Variants in ARID3A observed in about 807,000 individuals in gnomAD.
ARID3A encodes AT-rich interactive domain-containing protein 3A.
Under a neutral mutation model 52.7 loss-of-function variants are expected in ARID3A, and 11 were observed. That is an observed-to-expected ratio of 0.21 (90% CI 0.13 to 0.35). The LOEUF (loss-of-function observed/expected upper bound fraction) is 0.35. Among genes scored for constraint, ARID3A ranks in the 10% least tolerant of loss-of-function variants. The probability of loss-of-function intolerance (pLI) is 1.00; values close to 1 mark genes in which losing one functional copy is unlikely to be tolerated. For missense variants in ARID3A, 721 were observed against 838.5 expected, an observed-to-expected ratio of 0.86 and a Z score of 1.73; for synonymous variants, 404 against 359.4, an observed-to-expected ratio of 1.12 and a Z score of -1.40.
chr19:935,984 G>A (rs1179031098), intron 3 of ARID3A, among the ~76,000 whole-genome samples: 1 of 151,216 alleles, frequency 6.6e-6, no homozygotes, highest in African/African-American at 2.4e-5. Context: ...TAGAGACAAG[G>A]TTTCACCGTG....
chr19:974,520 C>G lies in ARID3A; in HGVS notation c.*2455C>G. 4.3e-6 allele frequency: 1 copy of G among 230,616 alleles called. No homozygotes were observed. The highest frequency in any genetic ancestry group is 8.6e-6 in the Non-Finnish European group (1 of 116,430). 14.3% of individuals were successfully genotyped at this position (230,616 alleles called of 1,614,324 possible). On this transcript the variant is annotated 3_prime_UTR_variant, in exon 9 of 9. Coordinates refer to ENST00000263620, the MANE Select transcript of ARID3A (RefSeq NM_005224.3). ...GCCGGGGGAAGCGCCTGCTGCCTAT[C>G]TCTGTCTACCTCAGGTCTGACTTTT...
At position 972,801 on chromosome 19, in the gene ARID3A, CAAA is replaced by C. The variant is rs57620894; in HGVS notation, c.*764_*766del. 8 of 75,932 alleles carry C rather than the reference CAAA, an allele frequency of 1.1e-4. No individual in the cohort carries two copies. The South Asian group carries it at 1.3e-3, about 12-fold the overall frequency. 4.7% of individuals were successfully genotyped at this position (75,932 alleles called of 1,614,324 possible). On this transcript the variant is annotated 3_prime_UTR_variant, in exon 9 of 9. Transcript: ENST00000263620. ...GTCTTGAAAAAGCAAGAAAAAAAAGCAAAAAAAAAAAAAAAAAAAAAAAAAAAA... is the reference window on the plus strand; with the variant it reads ...GTCTTGAAAAAGCAAGAAAAAAAAGCAAAAAAAAAAAAAAAAAAAAAAAAA...
rs2038360992 is a variant in ARID3A, at chr19:975,521, C to G, written c.*3456C>G. ...TGTAAACTCAGCCTTTCATTCATGA[C>G]GTGTGAAATTTCAGTTTCTCTGGAG... On this transcript the variant is annotated 3_prime_UTR_variant, in exon 9 of 9. Transcript: ENST00000263620. The G allele has an allele frequency of 4.6e-6, 1 of 217,374 alleles. No individual in the cohort carries two copies. The allele number at this position is 217,374 out of a possible 1,614,324, so 13.5% of individuals were successfully genotyped here.
At position 939,095 on chromosome 19, in the gene ARID3A, CTATTTATTTATT is replaced by C. The variant is rs57727834; in HGVS notation, c.693+6374_693+6385del. 2.9e-4 allele frequency among the ~76,000 whole-genome samples: 35 copies of C among 121,274 alleles called. 1 individual carries two copies. Among genetic ancestry groups the C allele is most frequent in the East Asian group, 5.7e-4 (1 of 1,752 alleles). The allele number at this position is 121,274 out of a possible 152,430, so 79.6% of individuals were successfully genotyped here. A position where few individuals can be genotyped will look rare whatever the true frequency, so the allele number is the denominator to read the frequency against. On this transcript the variant is annotated intron_variant, in intron 3 of 8. Transcript: ENST00000263620. Reference sequence around the variant, plus strand: ...ACAGGCGCGTGCCACCACACCTGGCCTATTTATTTATTTATTTATTTATTTATTTATTATTAT... The same window carrying C: ...ACAGGCGCGTGCCACCACACCTGGCCTATTTATTTATTTATTTATTATTAT...
chr19:938,135 C>T lies in ARID3A; in HGVS notation c.693+5393C>T, dbSNP rs553934453. ...CTGGGATCACAGACGTGAGCCACCG[C>T]GCCCGGCCTGTTGTCGACTTTTGAT... On this transcript the variant is annotated intron_variant, in intron 3 of 8. Transcript: ENST00000263620. This position sits in a 1 kb window ranked among gnomAD's most constrained non-coding sequence, Gnocchi z 4.0. Among the ~76,000 whole-genome samples, 251 of 152,212 alleles carry T rather than the reference C, an allele frequency of 1.6e-3. 2 individuals are homozygous for T. Among genetic ancestry groups the T allele is most frequent in the Non-Finnish European group, 1.8e-3 (120 of 68,030 alleles).
chr19:930,663 C>G lies in ARID3A; in HGVS notation c.368+767C>G, dbSNP rs187449594. Among the ~76,000 whole-genome samples the G allele has an allele frequency of 5.5e-3, 836 of 150,936 alleles. 12 individuals are homozygous for G. The highest frequency in any genetic ancestry group is 0.02 in the African/African-American group (811 of 41,182). On this transcript the variant is annotated intron_variant, in intron 2 of 8. Transcript: ENST00000263620. ...TAGTTGGGACTACAGGCGCCCGCCA[C>G]CACGCCTGGCTAACTTTTTGTATTT...
chr19:960,604 G>A lies in ARID3A; in HGVS notation c.766+440G>A, dbSNP rs2145441629. ...AAGCCCCCCGCCCGGCCGCGAGATG[G>A]CTTAGAGTCTAATGATCTCATGGCG... is the stretch of plus-strand genomic sequence containing the variant. On this transcript the variant is annotated intron_variant, in intron 4 of 8. Coordinates refer to ENST00000263620, the MANE Select transcript of ARID3A (RefSeq NM_005224.3). This position sits in a 1 kb window ranked among gnomAD's most constrained non-coding sequence, Gnocchi z 4.3. Among the ~76,000 whole-genome samples the A allele has an allele frequency of 6.6e-6, 1 of 152,176 alleles. No individual in the cohort carries two copies. The highest frequency in any genetic ancestry group is 2.4e-5 in the African/African-American group (1 of 41,498).
Position 960,294 on chromosome 19 carries a change from A to C in ARID3A, c.766+130A>C. ...GGCTGGAGGCATCCAAGGCTCCTAAATCGGGAGGGACTTCAGGGGTGTCTT... is the reference window on the plus strand; with the variant it reads ...GGCTGGAGGCATCCAAGGCTCCTAACTCGGGAGGGACTTCAGGGGTGTCTT... On this transcript the variant is annotated intron_variant, in intron 4 of 8. Coordinates refer to ENST00000263620, the MANE Select transcript of ARID3A (RefSeq NM_005224.3). This position sits in a 1 kb window ranked among gnomAD's most constrained non-coding sequence, Gnocchi z 4.3. The C allele has an allele frequency of 4.0e-6, 3 of 746,194 alleles. No individual in the cohort carries two copies. Among genetic ancestry groups the C allele is most frequent in the Non-Finnish European group, 2.1e-6 (1 of 479,656 alleles). The allele number at this position is 746,194 out of a possible 1,614,324, so 46.2% of individuals were successfully genotyped here. A position where few individuals can be genotyped will look rare whatever the true frequency, so the allele number is the denominator to read the frequency against.
chr19:949,070 C>T (rs2037748983), intron 3 of ARID3A, among the ~76,000 whole-genome samples: 1 of 152,166 alleles, frequency 6.6e-6, no homozygotes, highest in Non-Finnish European at 1.5e-5. Context: ...TGGCCGCCTC[C>T]TTCCCGCCTC....
rs777783556 is a variant in ARID3A at position 929,478 on chromosome 19, G to C, written c.-51G>C. On this transcript the variant is annotated 5_prime_UTR_variant, in exon 2 of 9. Transcript: ENST00000263620. The surrounding 1 kb of genome is among the most constrained non-coding windows in gnomAD (Gnocchi z 6.2). Reference sequence around the variant, plus strand: ...GCCGCCCCCGCCGCCCACCCCTAGCGCCCGTGGTGGTGGTGGTGGTGGTGG... The same window carrying C: ...GCCGCCCCCGCCGCCCACCCCTAGCCCCCGTGGTGGTGGTGGTGGTGGTGG... The C allele has an allele frequency of 7.4e-7, 1 of 1,360,466 alleles. No individual in the cohort carries two copies. Among genetic ancestry groups the C allele is most frequent in the African/African-American group, 1.6e-5 (1 of 63,990 alleles). 84.3% of individuals were successfully genotyped at this position (1,360,466 alleles called of 1,614,324 possible).
chr19:966,675 C>G lies in ARID3A; in HGVS notation c.1302C>G (p.Ala434=). Residue 434 remains alanine (A), a synonymous_variant, in exon 7 of 9, where the codon GCC becomes GCG. Coordinates refer to ENST00000263620, the MANE Select transcript of ARID3A (RefSeq NM_005224.3). ...AGGCAGCAGCTGTGCAAGCAGCAGC[C>G]GCCCAAGCAGCTGTGGCCGCACAGG... The part of the protein sequence containing the change: ...AAQAAAVQAA[A]AQAAVAAQAA... 6 of 1,610,416 alleles carry G rather than the reference C, an allele frequency of 3.7e-6. No individual in the cohort carries two copies. Among genetic ancestry groups the G allele is most frequent in the Non-Finnish European group, 5.1e-6 (6 of 1,178,080 alleles).
At chr19:966,520 A>G in intron 6 of ARID3A, 52 bp from the exon 7 acceptor site, 1 of 1,438,490 alleles carries the variant, frequency 7.0e-7, no homozygotes, top group Non-Finnish European at 9.3e-7. Context: ...CCTTGAGTGG[A>G]AGGCAGGGCC....
intron 8 of ARID3A, 48 bp from the exon 9 acceptor site, chr19:971,830 G>C (rs201461759): frequency 6.5e-7 from 1 of 1,546,258 alleles, no homozygotes; most frequent in South Asian, 1.2e-5. Flanking sequence ...GGCCCGCCTC[G>C]CATCTTCTTA....
Position 960,118 on chromosome 19 carries a change from G to C in ARID3A, c.720G>C (p.Lys240Asn), listed in dbSNP as rs749528929. The C allele has an allele frequency of 6.2e-7, 1 of 1,613,354 alleles. No homozygotes were observed. Residue 240 changes from lysine (K) to asparagine (N), a missense_variant, in exon 4 of 9, where the codon AAG (lysine) becomes AAC (asparagine). This residue lies in a region of ARID3A where 27 missense variants were observed against 35.7 expected (regional missense o/e 0.76). Coordinates refer to ENST00000263620, the MANE Select transcript of ARID3A (RefSeq NM_005224.3). The surrounding 1 kb of genome is among the most constrained non-coding windows in gnomAD (Gnocchi z 4.3). ...TCTACGAACTCGACGGGGACCCCAA[G>C]AGGAAGGAATTCCTGGATGACTTGT... ...KQLYELDGDPKRKEFLDDLFS... is the reference protein window; with the variant it reads ...KQLYELDGDPNRKEFLDDLFS...
chr19:972,664 C>A lies in ARID3A; in HGVS notation c.*599C>A. ...TCTCTGTAGGGTTTTTAAGAGGTTTCGGGGGTTTTGTTGTGTAAATATTCT... is the reference window on the plus strand; with the variant it reads ...TCTCTGTAGGGTTTTTAAGAGGTTTAGGGGGTTTTGTTGTGTAAATATTCT... On this transcript the variant is annotated 3_prime_UTR_variant, in exon 9 of 9. Transcript: ENST00000263620. 1 of 220,032 alleles carries A rather than the reference C, an allele frequency of 4.5e-6. No individual in the cohort carries two copies. Among genetic ancestry groups the A allele is most frequent in the Non-Finnish European group, 9.1e-6 (1 of 110,118 alleles). The allele number at this position is 220,032 out of a possible 1,614,324, so 13.6% of individuals were successfully genotyped here.
intron 8 of ARID3A, among the ~76,000 whole-genome samples, chr19:970,037 G>A (rs761564176): frequency 4.6e-5 from 7 of 152,064 alleles, no homozygotes; most frequent in East Asian, 3.9e-4. Context: ...AAAAGTTGCC[G>A]GGCACAGTAG....
rs1283540266 is a variant in ARID3A, at chr19:947,284, A to T, written c.694-12808A>T. On this transcript the variant is annotated intron_variant, in intron 3 of 8. Transcript: ENST00000263620. This position sits in a 1 kb window ranked among gnomAD's most constrained non-coding sequence, Gnocchi z 6.3. Reference sequence around the variant, plus strand: ...CTTAAGGCCAGTGCCCTCGGCGGAGACTCTATTAGGGACTGCGGGCCCCAG... The same window carrying T: ...CTTAAGGCCAGTGCCCTCGGCGGAGTCTCTATTAGGGACTGCGGGCCCCAG... Among the ~76,000 whole-genome samples the T allele has an allele frequency of 6.6e-6, 1 of 151,472 alleles. No homozygotes were observed. The highest frequency in any genetic ancestry group is 1.5e-5 in the Non-Finnish European group (1 of 67,914).
chr19:940,942 C>T (rs2037536985), intron 3 of ARID3A, among the ~76,000 whole-genome samples: 1 of 152,116 alleles, frequency 6.6e-6, no homozygotes, highest in African/African-American at 2.4e-5. Context: ...CCGCCAGCCC[C>T]TGGCACTGTG....
chr19:954,639 G>A (rs578164358), intron 3 of ARID3A, among the ~76,000 whole-genome samples: 5 of 152,212 alleles, frequency 3.3e-5, no homozygotes, highest in African/African-American at 9.6e-5. Context: ...CAGAAACCCC[G>A]TGAGGCCGGT....
Sources: allele counts gnomAD v4.1 joint callset (sites outside exome capture counted in the v4.1 genomes callset), GRCh38; gene constraint gnomAD v4.1.1; regional missense constraint gnomAD v4.1.1; non-coding constraint Gnocchi (gnomAD v3.1); transcripts MANE v1.5; gene names NCBI Gene and HGNC (gene_info 2026-07-23, HGNC 2026-07-21).